The following SNX10 variants were observed in gnomAD, a reference collection of about 807,000 sequenced individuals.
SNX10 encodes sorting nexin-10.
A neutral mutation model predicts 28.5 loss-of-function variants in SNX10; 25 were observed. That is an observed-to-expected ratio of 0.88 (90% CI 0.64 to 1.22). The LOEUF (loss-of-function observed/expected upper bound fraction) is 1.22. SNX10 is among the 50% of genes most tolerant of loss of function. The pLI is 0.00. For synonymous variants in SNX10, 62 were observed against 81.4 expected, an observed-to-expected ratio of 0.76 and a Z score of 1.28; for missense variants, 223 against 242.6, an observed-to-expected ratio of 0.92 and a Z score of 0.54.
chr7:26,338,743 TAGG>T (rs1788050777), intron 1 of SNX10, among the ~76,000 whole-genome samples: 1 of 151,974 alleles, frequency 6.6e-6, no homozygotes, highest in African/African-American at 2.4e-5. Context: ...GGTAGGAGCT[TAGG>T]AAGTAGGGAG....
At chr7:26,310,690 T>A (rs1786792680) in intron 1 of SNX10, among the ~76,000 whole-genome samples, 2 of 151,496 alleles carry the variant, frequency 1.3e-5, no homozygotes, top group African/African-American at 4.8e-5. Context: ...ACAATTTTTT[T>A]TTTTTTTTTG....
chr7:26,344,745 C>T (rs768198149), intron 1 of SNX10, among the ~76,000 whole-genome samples: 1 of 152,190 alleles, frequency 6.6e-6, no homozygotes, highest in Non-Finnish European at 1.5e-5. Context: ...AGTGACTGAA[C>T]GGAATCTCCA....
chr7:26,330,030 C>A (rs530219519), intron 1 of SNX10, among the ~76,000 whole-genome samples: 1 of 152,024 alleles, frequency 6.6e-6, no homozygotes, highest in African/African-American at 2.4e-5. Flanking sequence ...TGAGGAAGTG[C>A]GATCAGGAAG....
intron 1 of SNX10, among the ~76,000 whole-genome samples, chr7:26,312,577 C>T (rs188750216): frequency 1.1e-4 from 17 of 152,118 alleles, no homozygotes; most frequent in Non-Finnish European, 1.8e-4. Flanking sequence ...CAAGGTCAGG[C>T]GTTCGAGACC....
At position 26,346,458 on chromosome 7, in the gene SNX10, C is replaced by T. The variant is rs1788391157; in HGVS notation, c.16C>T (p.Gln6Ter). ...TGTGCTGAAGATGTTTCCGGAACAA[C>T]AGAAAGAGGTATGTCATCACAAATC... MFPEQ[Q>*]KEEFVSVWVR... is the part of the protein sequence containing the mutation. The change falls in exon 2 of 7, where the codon CAG (glutamine) becomes TAG (stop). Residue 6 changes from glutamine (Q) to a stop codon, truncating the protein, a stop_gained. Coordinates refer to ENST00000338523, the MANE Select transcript of SNX10 (RefSeq NM_013322.3). LOFTEE classifies it high-confidence loss of function. The T allele has an allele frequency of 6.2e-7, 1 of 1,607,242 alleles. No individual in the cohort carries two copies. The highest frequency in any genetic ancestry group is 8.5e-7 in the Non-Finnish European group (1 of 1,173,814).
intron 1 of SNX10, among the ~76,000 whole-genome samples, chr7:26,345,616 G>A (rs1214271446): frequency 6.6e-6 from 1 of 152,150 alleles, no homozygotes; most frequent in African/African-American, 2.4e-5. Flanking sequence ...AGAGACTCTG[G>A]GAATACGTGT....
intron 1 of SNX10, among the ~76,000 whole-genome samples, chr7:26,339,812 A>G (rs12670125): frequency 0.2 from 29,860 of 148,200 alleles, 3,553 homozygotes; most frequent in East Asian, 0.44. Context: ...CTCCCAAAGT[A>G]CTGGGATTAC....
intron 1 of SNX10, among the ~76,000 whole-genome samples, chr7:26,343,200 A>C (rs987814467): frequency 1.3e-5 from 2 of 152,172 alleles, no homozygotes; most frequent in Admixed American, 6.5e-5. Flanking sequence ...TGGCTGGGAA[A>C]AGCTCAAGCC....
intron 1 of SNX10, among the ~76,000 whole-genome samples, chr7:26,345,844 A>G (rs577654991): frequency 2.0e-5 from 3 of 152,062 alleles, no homozygotes; most frequent in African/African-American, 7.2e-5. Flanking sequence ...ACAATTGACA[A>G]CCCCAGAGAC....
In SNX10 at chr7:26,291,879, C is replaced by T. The variant is rs1050713634; in HGVS notation, c.-231C>T. ...GCGGAAGCACTAGGCGCGGCGCCCACAGGCGGACGGCTGGCGCTGAGCGCG... is the reference window on the plus strand; with the variant it reads ...GCGGAAGCACTAGGCGCGGCGCCCATAGGCGGACGGCTGGCGCTGAGCGCG... On this transcript the variant is annotated 5_prime_UTR_variant, in exon 1 of 7. Transcript: ENST00000338523. 2.0e-5 allele frequency: 3 copies of T among 150,862 alleles called. No individual in the cohort carries two copies. The highest frequency in any genetic ancestry group is 4.4e-5 in the Non-Finnish European group (3 of 67,676). 9.3% of individuals were successfully genotyped at this position (150,862 alleles called of 1,614,324 possible).
intron 3 of SNX10, among the ~76,000 whole-genome samples, chr7:26,363,686 G>A (rs1468290966): frequency 1.3e-5 from 2 of 152,174 alleles, no homozygotes; most frequent in Non-Finnish European, 2.9e-5. Context: ...GAGAAGCATT[G>A]TGGCTGAGCT....
intron 2 of SNX10, among the ~76,000 whole-genome samples, chr7:26,349,240 C>T (rs1182119299): frequency 6.6e-6 from 1 of 152,092 alleles, no homozygotes; most frequent in South Asian, 2.1e-4. Context: ...GAGGTTGGCA[C>T]GTGAATTGAG....
chr7:26,312,747 G>A (rs1207150064), intron 1 of SNX10, among the ~76,000 whole-genome samples: 1 of 152,138 alleles, frequency 6.6e-6, no homozygotes, highest in Non-Finnish European at 1.5e-5. Context: ...TCACGCCACT[G>A]CACTCCAGCC....
chr7:26,363,813 A>G (rs182887577), intron 3 of SNX10, among the ~76,000 whole-genome samples: 1 of 152,332 alleles, frequency 6.6e-6, no homozygotes, highest in African/African-American at 2.4e-5. Flanking sequence ...AGTGCTTATT[A>G]TCAATCCTCA....
intron 3 of SNX10, among the ~76,000 whole-genome samples, chr7:26,362,402 T>G (rs1181856538): frequency 6.6e-6 from 1 of 152,252 alleles, no homozygotes; most frequent in African/African-American, 2.4e-5. Flanking sequence ...AAAGTATAGA[T>G]TCTGCTCTGC....
chr7:26,333,723 G>GA lies in SNX10; in HGVS notation c.-23-12691dup, dbSNP rs199765424. On this transcript the variant is annotated intron_variant, in intron 1 of 6. Transcript: ENST00000338523. The stretch of plus-strand genomic sequence containing the variant: ...GTGAAGGGGTAGAGTGAGTAGAATT[G>GA]AAAAAATGTTTTGTTGGCAGGAGAG... Among the ~76,000 whole-genome samples the GA allele has an allele frequency of 8.6e-3, 1,308 of 152,256 alleles. 21 individuals are homozygous for GA. The highest frequency in any genetic ancestry group is 0.031 in the African/African-American group (1,270 of 41,534).
intron 2 of SNX10, among the ~76,000 whole-genome samples, chr7:26,353,238 A>T (rs1296585215): frequency 6.6e-6 from 1 of 152,190 alleles, no homozygotes; most frequent in African/African-American, 2.4e-5. Context: ...GGCAAGTAAT[A>T]TCCCTTGTCA....
At chr7:26,362,418 A>G (rs1026466522) in intron 3 of SNX10, among the ~76,000 whole-genome samples, 7 of 152,240 alleles carry the variant, frequency 4.6e-5, no homozygotes, top group Non-Finnish European at 7.3e-5. Flanking sequence ...TCTGCTCTAT[A>G]AATAGCCTGA....
At chr7:26,359,957 A>G (rs1789001096) in intron 2 of SNX10, among the ~76,000 whole-genome samples, 1 of 152,092 alleles carries the variant, frequency 6.6e-6, no homozygotes, top group Non-Finnish European at 1.5e-5. Context: ...CGCCCGGCCT[A>G]TTGTTTTAAA....
Sources: gnomAD v4.1 joint callset for allele counts (sites outside exome capture counted in the v4.1 genomes callset) on GRCh38, gnomAD v4.1.1 for gene constraint, MANE v1.5 for transcripts, NCBI Gene and HGNC (gene_info 2026-07-23, HGNC 2026-07-21) for gene names.